The following XPO5 variants were observed in gnomAD, a reference collection of about 807,000 sequenced individuals.
XPO5 encodes the protein exportin-5.
XPO5 carries 46 observed loss-of-function variants against 160.6 expected under a neutral mutation model. That is an observed-to-expected ratio of 0.29 (90% CI 0.23 to 0.37). The LOEUF (loss-of-function observed/expected upper bound fraction) is 0.37, where lower values mean the gene tolerates loss of function less well. XPO5 is among the 10% of genes least tolerant of loss of function. The pLI is 1.00. For synonymous variants in XPO5, 537 were observed against 519.3 expected, an observed-to-expected ratio of 1.03 and a Z score of -0.46; for missense variants, 1,090 against 1,463.9, an observed-to-expected ratio of 0.74 and a Z score of 4.17.
At chr6:43,575,257 T>C (rs1423915921) in intron 1 of XPO5, among the ~76,000 whole-genome samples, 1 of 152,114 alleles carries the variant, frequency 6.6e-6, no homozygotes, top group East Asian at 1.9e-4. Flanking sequence ...AAACGAAAGT[T>C]AGCGAGATGT....
intron 23 of XPO5, 154 bp downstream of exon 23, chr6:43,530,534 T>C (rs1793903407): frequency 1.1e-6 from 1 of 895,450 alleles, no homozygotes; most frequent in South Asian, 2.3e-5. Context: ...TTCCCTGCAA[T>C]CTGCCAGTGT....
intron 7 of XPO5, among the ~76,000 whole-genome samples, chr6:43,566,480 T>C (rs1746778113): frequency 6.6e-6 from 1 of 151,874 alleles, no homozygotes; most frequent in African/African-American, 2.4e-5. Flanking sequence ...ATAATATTCC[T>C]ATGGAGAAAA....
In XPO5 at chr6:43,573,497, G is replaced by A; in HGVS notation, c.210C>T (p.Ile70=). Residue 70 remains isoleucine (I), a synonymous_variant, in exon 2 of 32, where the codon ATC becomes ATT. Transcript: ENST00000265351. The part of the protein sequence containing the change: ...VAIVRHFGLQ[I]LEHVVKFRWN... Reference sequence around the variant, plus strand: ...CTCCTTACTTGACAACGTGTTCCAGGATCTGAAGGCCAAAATGTCTGACGA... The same window carrying A: ...CTCCTTACTTGACAACGTGTTCCAGAATCTGAAGGCCAAAATGTCTGACGA... 6.2e-7 allele frequency: 1 copy of A among 1,613,542 alleles called. No individual in the cohort carries two copies. The highest frequency in any genetic ancestry group is 8.5e-7 in the Non-Finnish European group (1 of 1,179,602).
chr6:43,561,960 G>A (rs1354566556), intron 9 of XPO5: 1 of 251,708 alleles, frequency 4.0e-6, no homozygotes, highest in Non-Finnish European at 7.5e-6. Context: ...TCAGCAGATT[G>A]AGGTTCTGTA....
In XPO5 at chr6:43,527,615, G is replaced by GT; in HGVS notation, c.2920+18dup. ...TCCAGGAAAATCCTCTATAGCCCCA[G>GT]TTTCGACATGCCACTTACTGATTAG... On this transcript the variant is annotated intron_variant, in intron 26 of 31. Transcript: ENST00000265351. 1 of 1,613,344 alleles carries GT rather than the reference G, an allele frequency of 6.2e-7. No individual in the cohort carries two copies. Among genetic ancestry groups the GT allele is most frequent in the Non-Finnish European group, 8.5e-7 (1 of 1,179,418 alleles).
chr6:43,547,820 T>C (rs1329668282), intron 18 of XPO5, 113 bp from the exon 19 acceptor site: 2 of 797,048 alleles, frequency 2.5e-6, no homozygotes, highest in African/African-American at 1.7e-5. Flanking sequence ...GTTTTTATAG[T>C]GAGAGGAGTA....
At chr6:43,572,374 G>T in intron 3 of XPO5, 132 bp downstream of exon 3, 1 of 850,676 alleles carries the variant, frequency 1.2e-6, no homozygotes. Context: ...ACTGTGCCTG[G>T]CCTAAATTAT....
At chr6:43,573,820 TATA>T (rs1434062984) in intron 1 of XPO5, among the ~76,000 whole-genome samples, 133 of 117,896 alleles carry the variant, frequency 1.1e-3, no homozygotes, top group South Asian at 7.2e-3. Flanking sequence ...TATATATATA[TATA>T]TTTTTTTTTT....
intron 6 of XPO5, among the ~76,000 whole-genome samples, chr6:43,568,231 C>A (rs1018555525): frequency 2.2e-4 from 34 of 152,006 alleles, no homozygotes; most frequent in African/African-American, 8.2e-4. Context: ...GGCGTGAACC[C>A]AGGAGGCAGA....
At chr6:43,567,394 G>A in intron 6 of XPO5, 40 bp from the exon 7 acceptor site, 8 of 1,544,148 alleles carry the variant, frequency 5.2e-6, no homozygotes, top group Non-Finnish European at 7.0e-6. Context: ...GAAGTCCTCG[G>A]TAACAGGTAA....
chr6:43,561,285 T>C, intron 9 of XPO5: 1 of 354,638 alleles, frequency 2.8e-6, no homozygotes, highest in South Asian at 4.4e-5. Flanking sequence ...TTTCAGAAAT[T>C]ACAGAAAGAA....
chr6:43,562,587 A>G (rs1022073178), intron 8 of XPO5, among the ~76,000 whole-genome samples: 1 of 152,256 alleles, frequency 6.6e-6, no homozygotes, highest in Non-Finnish European at 1.5e-5. Context: ...TGTGAAAAGC[A>G]ACTATATTAG....
intron 2 of XPO5, 84 bp from the exon 3 acceptor site, chr6:43,572,662 A>C: frequency 1.5e-6 from 2 of 1,332,528 alleles, no homozygotes; most frequent in Non-Finnish European, 2.1e-6. Context: ...TCTACATTTG[A>C]TTACACTGGA....
chr6:43,573,681 A>T, intron 1 of XPO5, 80 bp from the exon 2 acceptor site: 1 of 1,499,964 alleles, frequency 6.7e-7, no homozygotes, highest in Non-Finnish European at 8.9e-7. Flanking sequence ...AGAAACTCCA[A>T]CCAGGGCCGG....
chr6:43,557,783 TAAA>T (rs59661301), intron 12 of XPO5, among the ~76,000 whole-genome samples: 7,598 of 87,188 alleles, frequency 0.087, 432 homozygotes, highest in African/African-American at 0.18. Flanking sequence ...AATAAAGCTG[TAAA>T]AAAAAAAAAA....
At chr6:43,560,149 T>C (rs776412702) in intron 11 of XPO5, 29 bp downstream of exon 11, 1 of 1,607,520 alleles carries the variant, frequency 6.2e-7, no homozygotes, top group South Asian at 1.1e-5. Context: ...TTCACCTACA[T>C]TCCACATGTT....
chr6:43,574,258 T>G (rs1423682933), intron 1 of XPO5, among the ~76,000 whole-genome samples: 1 of 150,050 alleles, frequency 6.7e-6, no homozygotes, highest in Non-Finnish European at 1.5e-5. Flanking sequence ...AGCCGAGATC[T>G]CACCACTGCA....
In XPO5 at chr6:43,571,062, G is replaced by GA; in HGVS notation, c.301-69_301-68insT. ...TTCCAGACTTCCAGAAAAAAGCTGG[G>GA]CTGTAGAGTTGTAAAAAATTTATCA... On this transcript the variant is annotated intron_variant, in intron 3 of 31. Transcript: ENST00000265351. 12 of 1,512,544 alleles carry GA rather than the reference G, an allele frequency of 7.9e-6. No homozygotes were observed. The South Asian group carries it at 1.6e-4, about 20-fold the overall frequency. 93.7% of individuals were successfully genotyped at this position (1,512,544 alleles called of 1,614,324 possible).
chr6:43,525,786 G>A (rs1793546822), intron 28 of XPO5, 53 bp downstream of exon 28: 1 of 1,572,118 alleles, frequency 6.4e-7, no homozygotes, highest in Non-Finnish European at 8.7e-7. Context: ...AAAGTAAAAG[G>A]TGACTCCCCA....
Sources: gnomAD v4.1 joint callset for allele counts (sites outside exome capture counted in the v4.1 genomes callset) on GRCh38, gnomAD v4.1.1 for gene constraint, MANE v1.5 for transcripts, NCBI Gene and HGNC (gene_info 2026-07-23, HGNC 2026-07-21) for gene names.